LDLRAD4: variants seen among roughly 807,000 people sequenced by gnomAD.
The protein encoded by LDLRAD4 is low-density lipoprotein receptor class A domain-containing protein 4.
In LDLRAD4, 5 loss-of-function variants were observed where a neutral mutation model predicts 17.0. The observed-to-expected ratio is 0.29, with a 90% confidence interval of 0.15 to 0.62. The LOEUF (loss-of-function observed/expected upper bound fraction) is 0.62, where lower values mean the gene tolerates loss of function less well. Ranked by LOEUF, LDLRAD4 falls within the 20% of genes least tolerant of loss-of-function variation. LDLRAD4 has a pLI of 0.84. For missense variants in LDLRAD4, 340 were observed against 424.7 expected, an observed-to-expected ratio of 0.80 and a Z score of 1.75; for synonymous variants, 168 against 171.8, an observed-to-expected ratio of 0.98 and a Z score of 0.17.
At chr18:13,560,880 G>C (rs1284445668) in intron 3 of LDLRAD4, among the ~76,000 whole-genome samples, 2 of 152,224 alleles carry the variant, frequency 1.3e-5, no homozygotes, top group Admixed American at 1.3e-4. Flanking sequence ...GGGCTTGCAG[G>C]TGACCTGGGA....
At chr18:13,377,629 C>G (rs193248492) in intron 1 of LDLRAD4, among the ~76,000 whole-genome samples, 1 of 152,154 alleles carries the variant, frequency 6.6e-6, no homozygotes, top group Non-Finnish European at 1.5e-5. Context: ...CAATAGAAAC[C>G]GCTTCCTCTC....
intron 1 of LDLRAD4, among the ~76,000 whole-genome samples, chr18:13,377,585 T>A (rs1161892069): frequency 6.6e-6 from 1 of 152,182 alleles, no homozygotes; most frequent in Non-Finnish European, 1.5e-5. Context: ...TAAGAGGATA[T>A]CAGATGGGCC....
intron 3 of LDLRAD4, among the ~76,000 whole-genome samples, chr18:13,539,473 T>C (rs2094245504): frequency 2.0e-5 from 3 of 152,266 alleles, no homozygotes; most frequent in Admixed American, 1.3e-4. Flanking sequence ...CAAGCTCTTC[T>C]TGACTTAGTA....
chr18:13,518,103 C>G (rs1459525760), intron 3 of LDLRAD4, among the ~76,000 whole-genome samples: 2 of 152,332 alleles, frequency 1.3e-5, no homozygotes, highest in Admixed American at 1.3e-4. Context: ...GGATTGGTGT[C>G]TTTCAGCAGT....
chr18:13,575,968 GA>G (rs2094763906), intron 3 of LDLRAD4, among the ~76,000 whole-genome samples: 1 of 152,188 alleles, frequency 6.6e-6, no homozygotes, highest in Non-Finnish European at 1.5e-5. Flanking sequence ...GTAGATTATA[GA>G]TATTAGTCCT....
At position 13,575,989 on chromosome 18, in the gene LDLRAD4, G is replaced by A. The variant is rs545416936; in HGVS notation, c.182-45128G>A. 1.1e-3 allele frequency among the ~76,000 whole-genome samples: 160 copies of A among 152,330 alleles called. 1 individual carries two copies. The highest frequency in any genetic ancestry group is 3.6e-3 in the African/African-American group (150 of 41,578). ...TATAGATATTAGTCCTTTGTCAGAT[G>A]TATAGATTGTGAAGATTTTCTCCCA... On this transcript the variant is annotated intron_variant, in intron 3 of 5. Transcript: ENST00000359446.
intron 3 of LDLRAD4, among the ~76,000 whole-genome samples, chr18:13,535,991 A>G (rs1182416409): frequency 6.6e-6 from 1 of 152,178 alleles, no homozygotes; most frequent in Admixed American, 6.5e-5. Flanking sequence ...TGGAGTCTCT[A>G]TTCTGTTCCA....
chr18:13,403,688 C>T (rs1167474708), intron 2 of LDLRAD4, among the ~76,000 whole-genome samples: 2 of 152,216 alleles, frequency 1.3e-5, no homozygotes, highest in Non-Finnish European at 2.9e-5. Context: ...AGTTCTCTTT[C>T]AACAGGGGAT....
At chr18:13,219,479 T>C (rs1445657921) in intron 1 of LDLRAD4, among the ~76,000 whole-genome samples, 3 of 152,244 alleles carry the variant, frequency 2.0e-5, no homozygotes, top group Non-Finnish European at 2.9e-5. Flanking sequence ...GGACCAGCGC[T>C]GCTTTCTAAA....
intron 2 of LDLRAD4, among the ~76,000 whole-genome samples, chr18:13,417,805 CTCAA>C (rs1220417857): frequency 2.0e-5 from 3 of 152,050 alleles, no homozygotes; most frequent in Admixed American, 6.6e-5. Context: ...TTCCTTTTTG[CTCAA>C]TCAGTTTATT....
intron 1 of LDLRAD4, among the ~76,000 whole-genome samples, chr18:13,307,915 G>A (rs1271710118): frequency 6.6e-6 from 1 of 152,118 alleles, no homozygotes; most frequent in Non-Finnish European, 1.5e-5. Context: ...ACCGTGGAGC[G>A]GGCTGGCATC....
chr18:13,597,917 A>G (rs1271079101), intron 3 of LDLRAD4, among the ~76,000 whole-genome samples: 2 of 152,366 alleles, frequency 1.3e-5, no homozygotes, highest in East Asian at 1.9e-4. Flanking sequence ...TGATGCAACA[A>G]TGCCATTTTA....
At chr18:13,292,805 G>C (rs146194750) in intron 1 of LDLRAD4, among the ~76,000 whole-genome samples, 19 of 152,330 alleles carry the variant, frequency 1.2e-4, no homozygotes, top group African/African-American at 4.6e-4. Flanking sequence ...CAACACTCCT[G>C]ATACAAGTTT....
At chr18:13,477,907 C>T (rs946057742) in intron 3 of LDLRAD4, among the ~76,000 whole-genome samples, 3 of 152,144 alleles carry the variant, frequency 2.0e-5, no homozygotes, top group African/African-American at 4.8e-5. Flanking sequence ...GGGAAACTGG[C>T]GGCTTTTCCG....
intron 1 of LDLRAD4, among the ~76,000 whole-genome samples, chr18:13,298,716 C>T (rs901998080): frequency 1.3e-5 from 2 of 152,126 alleles, no homozygotes; most frequent in Non-Finnish European, 2.9e-5. Context: ...TGGAGCTGCT[C>T]TGGGCACAGC....
intron 3 of LDLRAD4, among the ~76,000 whole-genome samples, chr18:13,549,229 C>T (rs995724082): frequency 1.2e-4 from 19 of 152,204 alleles, no homozygotes; most frequent in African/African-American, 4.1e-4. Flanking sequence ...TGTAATTTGC[C>T]AAGCTCCCTG....
At chr18:13,473,678 T>TATATAAAA (rs374731826) in intron 3 of LDLRAD4, among the ~76,000 whole-genome samples, 98 of 79,944 alleles carry the variant, frequency 1.2e-3, no homozygotes, top group Non-Finnish European at 1.7e-3. Flanking sequence ...TATATATATA[T>TATATAAAA]AACGTTTACA....
chr18:13,341,018 A>G (rs1254649719), intron 1 of LDLRAD4, among the ~76,000 whole-genome samples: 1 of 152,094 alleles, frequency 6.6e-6, no homozygotes, highest in Admixed American at 6.5e-5. Flanking sequence ...GCACCCTTCA[A>G]AAATTGTTGT....
At chr18:13,494,721 T>C (rs1175514461) in intron 3 of LDLRAD4, among the ~76,000 whole-genome samples, 1 of 144,886 alleles carries the variant, frequency 6.9e-6, no homozygotes, top group African/African-American at 2.6e-5. Context: ...TATATACACA[T>C]ACACATTGAA....
Sources: gnomAD v4.1 joint callset for allele counts (sites outside exome capture counted in the v4.1 genomes callset) on GRCh38, gnomAD v4.1.1 for gene constraint, MANE v1.5 for transcripts, NCBI Gene and HGNC (gene_info 2026-07-23, HGNC 2026-07-21) for gene names.